Variants in SNCG observed in about 807,000 individuals in gnomAD.
The protein encoded by SNCG is synuclein gamma.
In SNCG, 13 loss-of-function variants were observed where a neutral mutation model predicts 16.0. That is an observed-to-expected ratio of 0.81 (90% CI 0.53 to 1.29). SNCG has a LOEUF of 1.29. SNCG is among the 50% of genes most tolerant of loss of function. The probability of loss-of-function intolerance (pLI) is 0.00; values close to 1 mark genes in which losing one functional copy is unlikely to be tolerated. For missense variants in SNCG, 154 were observed against 168.5 expected (o/e 0.91, Z 0.48); for synonymous variants, 66 against 66.3 (o/e 1.00, Z 0.02).
rs1370343635 is a variant in SNCG at position 86,962,773 on chromosome 10, A to T, written c.363+98A>T. 1.1e-5 allele frequency: 13 copies of T among 1,205,514 alleles called. No individual in the cohort carries two copies. The Admixed American group carries it at 1.5e-4, about 14-fold the overall frequency. The allele number at this position is 1,205,514 out of a possible 1,614,324, so 74.7% of individuals were successfully genotyped here. On this transcript the variant is annotated intron_variant, in intron 4 of 4. Coordinates refer to ENST00000372017, the MANE Select transcript of SNCG (RefSeq NM_003087.3). Reference sequence around the variant, plus strand: ...CTTCCCTCCTGGGCTCCCAGGGCCCAGAGGGGCCTCCTGACCTTCCACAGC... The same window carrying T: ...CTTCCCTCCTGGGCTCCCAGGGCCCTGAGGGGCCTCCTGACCTTCCACAGC...
At chr10:86,958,225 A>G, upstream of SNCG, 2 of 965,636 alleles carry the variant, frequency 2.1e-6, no homozygotes, top group African/African-American at 1.8e-5. Flanking sequence ...CCTACCTAGG[A>G]AGCTGGGGAC....
chr10:86,962,567 C>T (rs1391047214), intron 3 of SNCG, 37 bp from the exon 4 acceptor site: 1 of 1,530,634 alleles, frequency 6.5e-7, no homozygotes, highest in Non-Finnish European at 9.0e-7. Context: ...TCTCTGCATT[C>T]TCCACATGGT....
chr10:86,958,074 AC>A, upstream of SNCG: 1 of 950,288 alleles, frequency 1.1e-6, no homozygotes, highest in Non-Finnish European at 1.2e-6. Flanking sequence ...TCATTTCCCC[AC>A]CCCCACCCAC....
At chr10:86,956,241 C>T (rs890951129), upstream of SNCG, among the ~76,000 whole-genome samples, 17 of 151,082 alleles carry the variant, frequency 1.1e-4, no homozygotes, top group Non-Finnish European at 2.1e-4. Context: ...TTCTCCATGG[C>T]CAACTGCTCA....
chr10:86,959,705 G>A lies in SNCG; in HGVS notation c.163+31G>A, dbSNP rs368024900. 9 of 1,584,070 alleles carry A rather than the reference G, an allele frequency of 5.7e-6. No individual in the cohort carries two copies. Among genetic ancestry groups the A allele is most frequent in the Non-Finnish European group, 7.7e-6 (9 of 1,162,648 alleles). On this transcript the variant is annotated intron_variant, in intron 2 of 4. Coordinates refer to ENST00000372017, the MANE Select transcript of SNCG (RefSeq NM_003087.3). The surrounding 1 kb of genome is among the most constrained non-coding windows in gnomAD (Gnocchi z 4.3). ...AAGCCCCAGGGCCAGGGGACACATG[G>A]GGGATAGGACCCCTGGGGCTCCTGC...
chr10:86,962,617 C>G lies in SNCG; in HGVS notation c.305C>G (p.Pro102Arg). The change falls in exon 4 of 5, where the codon CCA becomes CGA. Residue 102 changes from proline (P) to arginine (R), a missense_variant. By Grantham distance (103) the Pro-to-Arg change is moderately radical (BLOSUM62 -2). Transcript: ENST00000372017. ...TGTCCCCTACAGGAGGACTTGAGGC[C>G]ATCTGCCCCCCAACAGGAGGGTGAG... ...SGVVRKEDLR[P>R]SAPQQEGEAS... is the part of the protein sequence containing the mutation. 1.2e-6 allele frequency: 2 copies of G among 1,612,400 alleles called. No homozygotes were observed. Among genetic ancestry groups the G allele is most frequent in the Non-Finnish European group, 1.7e-6 (2 of 1,179,166 alleles).
intron 3 of SNCG, 106 bp downstream of exon 3, chr10:86,960,234 G>A (rs901224404): frequency 1.4e-4 from 159 of 1,122,488 alleles, no homozygotes; most frequent in Middle Eastern, 5.4e-4. Context: ...AACACGGGGG[G>A]CTGCGGCTGG....
intron 3 of SNCG, among the ~76,000 whole-genome samples, chr10:86,960,932 A>G (rs1338066995): frequency 6.6e-6 from 1 of 152,236 alleles, no homozygotes; most frequent in African/African-American, 2.4e-5. Flanking sequence ...AATGTGCCCA[A>G]GGTCCCATGG....
rs1844295170 is a variant in SNCG at position 86,959,262 on chromosome 10, C to T, written c.122-371C>T. 2.5e-6 allele frequency: 1 copy of T among 393,894 alleles called. No homozygotes were observed. The highest frequency in any genetic ancestry group is 4.6e-6 in the Non-Finnish European group (1 of 219,226). The allele number at this position is 393,894 out of a possible 1,614,324, so 24.4% of individuals were successfully genotyped here. A position where few individuals can be genotyped will look rare whatever the true frequency, so the allele number is the denominator to read the frequency against. ...CCTAGGCTCAGTGTTCCCTCCCCCG[C>T]ATCCTCTCCTGGCACTCTCCAGAGG... is the stretch of plus-strand genomic sequence containing the variant. On this transcript the variant is annotated intron_variant, in intron 1 of 4. Transcript: ENST00000372017. The surrounding 1 kb of genome is among the most constrained non-coding windows in gnomAD (Gnocchi z 4.3).
At chr10:86,958,501 T>TCCCCCC, upstream of SNCG, 1 of 644,760 alleles carries the variant, frequency 1.6e-6, no homozygotes. Flanking sequence ...CCTCCTTCCC[T>TCCCCCC]CCCTCCCTCC....
Position 86,959,505 on chromosome 10 carries a change from C to T in SNCG, c.122-128C>T, listed in dbSNP as rs548991916. On this transcript the variant is annotated intron_variant, in intron 1 of 4. Transcript: ENST00000372017. This position sits in a 1 kb window ranked among gnomAD's most constrained non-coding sequence, Gnocchi z 4.3. ...GGAAGAGGCCCTCTGAAGGGGCCGC[C>T]GGCCCCCAGACACCATCCTTACCCC... 16 of 761,676 alleles carry T rather than the reference C, an allele frequency of 2.1e-5. No homozygotes were observed. Among genetic ancestry groups the T allele is most frequent in the African/African-American group, 1.0e-4 (6 of 57,368 alleles). 47.2% of individuals were successfully genotyped at this position (761,676 alleles called of 1,614,324 possible).
At chr10:86,958,119 G>A (rs1844267788), upstream of SNCG, 3 of 983,732 alleles carry the variant, frequency 3.0e-6, no homozygotes, top group Non-Finnish European at 3.6e-6. Flanking sequence ...TGGCAGCCCA[G>A]GGTCCAGCGG....
At chr10:86,960,551 G>A (rs1313197809) in intron 3 of SNCG, among the ~76,000 whole-genome samples, 7 of 152,174 alleles carry the variant, frequency 4.6e-5, no homozygotes, top group Admixed American at 2.0e-4. Flanking sequence ...TCCCTGGGCT[G>A]GGCGGGGCAG....
chr10:86,958,407 C>T (rs776866421), upstream of SNCG: 203 of 985,336 alleles, frequency 2.1e-4, no homozygotes, highest in Non-Finnish European at 2.3e-4. Flanking sequence ...ATGGAGGGCA[C>T]GGGGCAGGAG....
rs757515151 is a variant in SNCG at position 86,962,617 on chromosome 10, C to T, written c.305C>T (p.Pro102Leu). 1.9e-6 allele frequency: 3 copies of T among 1,612,400 alleles called. No homozygotes were observed. The highest frequency in any genetic ancestry group is 2.5e-6 in the Non-Finnish European group (3 of 1,179,166). The stretch of plus-strand genomic sequence containing the variant: ...TGTCCCCTACAGGAGGACTTGAGGC[C>T]ATCTGCCCCCCAACAGGAGGGTGAG... Reference protein sequence around the residue: ...SGVVRKEDLRPSAPQQEGEAS... With the variant: ...SGVVRKEDLRLSAPQQEGEAS... The change falls in exon 4 of 5, where the codon CCA becomes CTA. Residue 102 changes from proline (P) to leucine (L), a missense_variant. Transcript: ENST00000372017.
chr10:86,958,476 G>A, upstream of SNCG: 1 of 1,392,640 alleles, frequency 7.2e-7, no homozygotes. Context: ...TATCCTGGAG[G>A]AAGGTGAGGC....
Position 86,962,665 on chromosome 10 carries a change from T to G in SNCG, c.353T>G (p.Val118Gly). The G allele has an allele frequency of 6.2e-7, 1 of 1,612,242 alleles. No individual in the cohort carries two copies. Among genetic ancestry groups the G allele is most frequent in the Non-Finnish European group, 8.5e-7 (1 of 1,179,156 alleles). Residue 118 changes from valine (V) to glycine (G), a missense_variant, in exon 4 of 5, where the codon GTG (valine) becomes GGG (glycine). Coordinates refer to ENST00000372017, the MANE Select transcript of SNCG (RefSeq NM_003087.3). ...GAGGCATCCAAAGAGAAAGAGGAAG[T>G]GGCAGAGGAGGTAGGAGCTGGGCTC... is the stretch of plus-strand genomic sequence containing the variant. ...EGEASKEKEE[V>G]AEEAQSGGD
In SNCG at chr10:86,959,511, C is replaced by T; in HGVS notation, c.122-122C>T. The T allele has an allele frequency of 1.2e-6, 1 of 820,784 alleles. No homozygotes were observed. The highest frequency in any genetic ancestry group is 2.1e-6 in the Non-Finnish European group (1 of 487,690). 50.8% of individuals were successfully genotyped at this position (820,784 alleles called of 1,614,324 possible). A position where few individuals can be genotyped will look rare whatever the true frequency, so the allele number is the denominator to read the frequency against. On this transcript the variant is annotated intron_variant, in intron 1 of 4. Coordinates refer to ENST00000372017, the MANE Select transcript of SNCG (RefSeq NM_003087.3). The surrounding 1 kb of genome is among the most constrained non-coding windows in gnomAD (Gnocchi z 4.3). ...GGCCCTCTGAAGGGGCCGCCGGCCC[C>T]CAGACACCATCCTTACCCCCCCACC...
rs1249249565 is a variant in SNCG at position 86,958,785 on chromosome 10, GCT to G, written c.89_90del (p.Ala30GlyfsTer80). ...EKTKQGVTEAAEKTKEGVMYV... is the reference protein window; with the variant it reads ...EKTKQGVTEAXEKTKEGVMYV... ...GACCAAGCAGGGGGTGACGGAAGCA[GCT>G]GAGAAGACCAAGGAGGGGGTCATGT... On this transcript the variant is annotated frameshift_variant, in exon 1 of 5. Coordinates refer to ENST00000372017, the MANE Select transcript of SNCG (RefSeq NM_003087.3). LOFTEE classifies it high-confidence loss of function. 5.6e-6 allele frequency: 9 copies of G among 1,612,738 alleles called. No individual in the cohort carries two copies. Among genetic ancestry groups the G allele is most frequent in the Non-Finnish European group, 7.6e-6 (9 of 1,179,392 alleles).
Sources: gnomAD v4.1 joint callset for allele counts (sites outside exome capture counted in the v4.1 genomes callset) on GRCh38, gnomAD v4.1.1 for gene constraint, Gnocchi (gnomAD v3.1) non-coding constraint, MANE v1.5 for transcripts, NCBI Gene and HGNC (gene_info 2026-07-23, HGNC 2026-07-21) for gene names.